Variants in ERG observed in about 807,000 individuals in gnomAD.
The protein encoded by ERG is transcriptional regulator ERG.
A neutral mutation model predicts 55.3 loss-of-function variants in ERG; 9 were observed. The ratio of observed to expected loss-of-function variants is 0.16; its 90% CI spans 0.10 to 0.28. The LOEUF (loss-of-function observed/expected upper bound fraction) is 0.28, where lower values mean the gene tolerates loss of function less well. ERG is among the 10% of genes least tolerant of loss of function. The pLI is 1.00. For missense variants in ERG, 434 were observed against 631.6 expected, an observed-to-expected ratio of 0.69 and a Z score of 3.35; for synonymous variants, 223 against 237.3, an observed-to-expected ratio of 0.94 and a Z score of 0.55.
chr21:38,461,397 T>C (rs2059041237), intron 1 of ERG, among the ~76,000 whole-genome samples: 1 of 152,176 alleles, frequency 6.6e-6, no homozygotes. Flanking sequence ...CCAAATAAGG[T>C]CCCACTCTGA....
chr21:38,631,209 G>A (rs911272146), intron 1 of ERG, among the ~76,000 whole-genome samples: 1 of 152,136 alleles, frequency 6.6e-6, no homozygotes, highest in African/African-American at 2.4e-5. Flanking sequence ...TGAGAAAAAA[G>A]ATTTGGCACC....
chr21:38,540,295 T>C (rs937828307), intron 2 of ERG, among the ~76,000 whole-genome samples: 2 of 152,172 alleles, frequency 1.3e-5, no homozygotes, highest in African/African-American at 4.8e-5. Flanking sequence ...TAGCATTTAA[T>C]TAACAATGTT....
chr21:38,442,005 A>G (rs2058845832), intron 2 of ERG, among the ~76,000 whole-genome samples: 2 of 152,258 alleles, frequency 1.3e-5, no homozygotes, highest in South Asian at 4.1e-4. Flanking sequence ...CCGATGCTTT[A>G]GGAGCTGGAA....
chr21:38,574,268 T>C (rs1163263815), intron 2 of ERG, among the ~76,000 whole-genome samples: 2 of 152,338 alleles, frequency 1.3e-5, no homozygotes, highest in South Asian at 4.1e-4. Flanking sequence ...TGATCAAATA[T>C]GTTCCCAGCA....
chr21:38,531,543 G>T (rs2048607178), intron 2 of ERG, among the ~76,000 whole-genome samples: 1 of 151,866 alleles, frequency 6.6e-6, no homozygotes, highest in Non-Finnish European at 1.5e-5. Context: ...ACTGGTAAAA[G>T]ACTTTAAAAA....
At chr21:38,602,361 C>T (rs979395977) in intron 1 of ERG, among the ~76,000 whole-genome samples, 8 of 151,972 alleles carry the variant, frequency 5.3e-5, no homozygotes, top group Non-Finnish European at 8.8e-5. Flanking sequence ...AGAAGAATCC[C>T]TTGAACCTGG....
At chr21:38,634,119 T>C (rs1318040656) in intron 1 of ERG, among the ~76,000 whole-genome samples, 2 of 152,228 alleles carry the variant, frequency 1.3e-5, no homozygotes, top group Non-Finnish European at 2.9e-5. Context: ...TAAGTAGTTG[T>C]ATTTTATCTG....
intron 1 of ERG, among the ~76,000 whole-genome samples, chr21:38,639,151 T>C (rs964246015): frequency 6.6e-6 from 1 of 152,020 alleles, no homozygotes; most frequent in Admixed American, 6.5e-5. Context: ...CCCAATGACA[T>C]AGTCAGGTGC....
chr21:38,487,567 C>CT (rs1601120087), intron 1 of ERG, among the ~76,000 whole-genome samples: 1 of 152,200 alleles, frequency 6.6e-6, no homozygotes, highest in Non-Finnish European at 1.5e-5. Context: ...CTGTCTGGTC[C>CT]TGTAGCATCA....
intron 3 of ERG, among the ~76,000 whole-genome samples, chr21:38,413,643 T>A (rs1989154688): frequency 6.6e-6 from 1 of 152,212 alleles, no homozygotes; most frequent in African/African-American, 2.4e-5. Flanking sequence ...TCTGACACAC[T>A]GATTTATTTC....
At position 38,596,517 on chromosome 21, in the gene ERG, G is replaced by A. The variant is rs564415693; in HGVS notation, c.-149-11572C>T. The stretch of plus-strand genomic sequence containing the variant: ...CCAGCGATACTTGTTCACAGTCAAA[G>A]CCCAGGAAGAGTGGAAAGATTAACC... On this transcript the variant is annotated intron_variant, in intron 1 of 10. Coordinates refer to the ERG transcript ENST00000398910. Among the ~76,000 whole-genome samples, 264 of 152,288 alleles carry A rather than the reference G, an allele frequency of 1.7e-3. 1 individual carries two copies. The highest frequency in any genetic ancestry group is 2.3e-3 in the Non-Finnish European group (158 of 68,034).
chr21:38,371,187 T>A, the ERG span, among the ~76,000 whole-genome samples: 7 of 152,096 alleles, frequency 4.6e-5, no homozygotes, highest in East Asian at 7.7e-4. Flanking sequence ...GATATATTTT[T>A]AAATTTAACC....
intron 6 of ERG, among the ~76,000 whole-genome samples, chr21:38,399,067 C>T (rs979003549): frequency 6.6e-6 from 1 of 152,174 alleles, no homozygotes; most frequent in Non-Finnish European, 1.5e-5. Context: ...ATTTTCCACT[C>T]GCAATACACG....
rs779252308 is a variant in ERG, at chr21:38,524,998, G to A, written c.-41+50664C>T. ...ATTCCAAACAAAGAGACCAACAGTC[G>A]CAAATTGAGAGTCCATCTTAGAAGC... On this transcript the variant is annotated intron_variant, in intron 2 of 8. Coordinates refer to the ERG transcript ENST00000398897. Among the ~76,000 whole-genome samples the A allele has an allele frequency of 6.4e-4, 97 of 152,158 alleles. 1 individual carries two copies. The highest frequency in any genetic ancestry group is 1.3e-4 in the Non-Finnish European group (9 of 68,028).
chr21:38,619,757 T>C (rs950085886), intron 1 of ERG, among the ~76,000 whole-genome samples: 2 of 152,262 alleles, frequency 1.3e-5, no homozygotes, highest in Non-Finnish European at 2.9e-5. Flanking sequence ...GCATTGTGGC[T>C]TAATGTAGCA....
intron 2 of ERG, among the ~76,000 whole-genome samples, chr21:38,444,848 G>A (rs2836405): frequency 0.45 from 67,665 of 151,852 alleles, 15,966 homozygotes; most frequent in East Asian, 0.64. Flanking sequence ...TTGGACATAC[G>A]CCGCACTGCC....
chr21:38,387,666 T>G (rs185743678), intron 9 of ERG, among the ~76,000 whole-genome samples: 9 of 152,324 alleles, frequency 5.9e-5, no homozygotes, highest in African/African-American at 2.2e-4. Flanking sequence ...ACTCCTCTCC[T>G]ATAGCCAGGA....
At chr21:38,588,240 C>A (rs11702833), upstream of ERG, among the ~76,000 whole-genome samples, 48,537 of 151,934 alleles carry the variant, frequency 0.32, 8,217 homozygotes, top group Non-Finnish European at 0.35. Flanking sequence ...AAACTGCTCA[C>A]CCCAGCTCAA....
chr21:38,419,067 T>C (rs1391793643), intron 3 of ERG, among the ~76,000 whole-genome samples: 1 of 152,148 alleles, frequency 6.6e-6, no homozygotes, highest in African/African-American at 2.4e-5. Context: ...TTATTACAAC[T>C]GGTTTCACTG....
Sources: gnomAD v4.1 joint callset for allele counts (sites outside exome capture counted in the v4.1 genomes callset) on GRCh38, gnomAD v4.1.1 for gene constraint, MANE v1.5 for transcripts, NCBI Gene and HGNC (gene_info 2026-07-23, HGNC 2026-07-21) for gene names.